GNB1: variants seen among roughly 807,000 people sequenced by gnomAD.
GNB1 encodes G protein subunit beta 1.
Under a neutral mutation model 42.9 loss-of-function variants are expected in GNB1, and 2 were observed. The ratio of observed to expected loss-of-function variants is 0.05; its 90% CI spans 0.02 to 0.15. The LOEUF is 0.15. Among genes scored for constraint, GNB1 ranks in the 10% least tolerant of loss-of-function variants. The pLI is 1.00. For synonymous variants in GNB1, 183 were observed against 174.7 expected (o/e 1.05, Z -0.38); for missense variants, 193 against 462.2 (o/e 0.42, Z 5.34).
intron 1 of GNB1, among the ~76,000 whole-genome samples, chr1:1,883,341 T>C (rs1307450511): frequency 4.0e-5 from 6 of 148,682 alleles, no homozygotes; most frequent in African/African-American, 1.5e-4. Context: ...ATGTGAGAGA[T>C]TTAGTAGAAA....
chr1:1,790,731 G>T lies in GNB1; in HGVS notation c.498-135C>A. On this transcript the variant is annotated intron_variant, in intron 8 of 11. Coordinates refer to ENST00000378609, the MANE Select transcript of GNB1 (RefSeq NM_002074.5). The surrounding 1 kb of genome is among the most constrained non-coding windows in gnomAD (Gnocchi z 5.4). ...CACTGTTACTTTAAAAACGTAAATTGTTTAAAGACAAATTTAAATGTAATA... is the reference window on the plus strand; with the variant it reads ...CACTGTTACTTTAAAAACGTAAATTTTTTAAAGACAAATTTAAATGTAATA... 1.6e-6 allele frequency: 1 copy of T among 628,994 alleles called. No individual in the cohort carries two copies. The highest frequency in any genetic ancestry group is 2.9e-6 in the Non-Finnish European group (1 of 350,790). 39.0% of individuals were successfully genotyped at this position (628,994 alleles called of 1,614,324 possible).
chr1:1,874,694 G>A (rs1250464069), intron 1 of GNB1, among the ~76,000 whole-genome samples: 1 of 150,796 alleles, frequency 6.6e-6, no homozygotes, highest in Non-Finnish European at 1.5e-5. Flanking sequence ...GGGAGACTGA[G>A]ACAGGAGAAT....
In GNB1 at chr1:1,871,469, C is replaced by T. The variant is rs570403164; in HGVS notation, c.-96+19351G>A. 5.9e-5 allele frequency among the ~76,000 whole-genome samples: 9 copies of T among 152,056 alleles called. No homozygotes were observed. In the East Asian group the frequency reaches 1.5e-3, roughly 26 times the overall value. On this transcript the variant is annotated intron_variant, in intron 1 of 11. Transcript: ENST00000378609. ...AGTGAGACTTAAGGGAACCCTTTCCCCACCCCCATTCACCTGACTCCTCAA... is the reference window on the plus strand; with the variant it reads ...AGTGAGACTTAAGGGAACCCTTTCCTCACCCCCATTCACCTGACTCCTCAA...
intron 5 of GNB1, among the ~76,000 whole-genome samples, chr1:1,811,059 G>GTA (rs1358335549): frequency 2.3e-5 from 3 of 129,908 alleles, no homozygotes; most frequent in Admixed American, 9.2e-5. Flanking sequence ...ATGTTTGTGG[G>GTA]TATATATATA....
intron 1 of GNB1, among the ~76,000 whole-genome samples, chr1:1,850,421 C>T (rs953698542): frequency 6.6e-6 from 1 of 152,014 alleles, no homozygotes; most frequent in Non-Finnish European, 1.5e-5. Flanking sequence ...GGGTGAGCCA[C>T]CGCGCCCAGC....
intron 1 of GNB1, among the ~76,000 whole-genome samples, chr1:1,864,171 A>C (rs754078686): frequency 5.9e-5 from 9 of 151,916 alleles, no homozygotes; most frequent in Non-Finnish European, 1.3e-4. Flanking sequence ...ATATACAAAA[A>C]AATTAGCCAG....
At chr1:1,880,125 GTC>G (rs1649761401) in intron 1 of GNB1, among the ~76,000 whole-genome samples, 1 of 151,790 alleles carries the variant, frequency 6.6e-6, no homozygotes, top group African/African-American at 2.4e-5. Context: ...TAGAGATGGG[GTC>G]TCACTATGTT....
intron 2 of GNB1, among the ~76,000 whole-genome samples, chr1:1,832,558 T>G (rs1056335574): frequency 2.6e-5 from 4 of 152,214 alleles, no homozygotes; most frequent in Admixed American, 1.3e-4. Flanking sequence ...AACATCTTTG[T>G]GAGTCAAGTG....
chr1:1,838,398 T>A (rs1180987322), intron 2 of GNB1, among the ~76,000 whole-genome samples: 1 of 151,746 alleles, frequency 6.6e-6, no homozygotes, highest in Non-Finnish European at 1.5e-5. Context: ...AAAAAGGTTT[T>A]TGTTTTGTTT....
intron 1 of GNB1, among the ~76,000 whole-genome samples, chr1:1,855,574 G>A (rs542425391): frequency 3.3e-5 from 5 of 151,424 alleles, no homozygotes; most frequent in African/African-American, 7.3e-5. Flanking sequence ...GGTGGCAGGC[G>A]CCTGTAGTCC....
Position 1,797,269 on chromosome 1 carries a change from C to T in GNB1, c.431-3958G>A, listed in dbSNP as rs544568983. On this transcript the variant is annotated intron_variant, in intron 7 of 11. Transcript: ENST00000378609. Reference sequence around the variant, plus strand: ...GTCTCACAATAGGAACAAATTAGTGCACCACACCATGAAACTCTCTACAGC... The same window carrying T: ...GTCTCACAATAGGAACAAATTAGTGTACCACACCATGAAACTCTCTACAGC... Among the ~76,000 whole-genome samples the T allele has an allele frequency of 9.3e-4, 142 of 152,152 alleles. 1 individual carries two copies. The highest frequency in any genetic ancestry group is 2.0e-3 in the Non-Finnish European group (134 of 68,028).
chr1:1,817,610 G>GT, intron 4 of GNB1: 2 of 425,918 alleles, frequency 4.7e-6, no homozygotes, highest in Non-Finnish European at 8.6e-6. Flanking sequence ...ATTACCCTCT[G>GT]TAACAGGTAG....
intron 1 of GNB1, among the ~76,000 whole-genome samples, chr1:1,856,167 A>G (rs936307520): frequency 2.6e-5 from 4 of 152,128 alleles, no homozygotes; most frequent in African/African-American, 9.7e-5. Flanking sequence ...GACTAAAGGC[A>G]TGTGCCATCA....
chr1:1,818,671 TGGCCAA>T (rs1646889737), intron 3 of GNB1, among the ~76,000 whole-genome samples: 2 of 152,222 alleles, frequency 1.3e-5, no homozygotes, highest in Admixed American at 6.5e-5. Context: ...AAGACCAGCC[TGGCCAA>T]CATGGTGAAA....
At chr1:1,792,370 G>A (rs1570622411) in intron 8 of GNB1, among the ~76,000 whole-genome samples, 1 of 152,174 alleles carries the variant, frequency 6.6e-6, no homozygotes, top group Non-Finnish European at 1.5e-5. Context: ...GGAAAAAAAA[G>A]AAGAGCAGGT....
intron 5 of GNB1, among the ~76,000 whole-genome samples, chr1:1,812,407 T>TACACACAC (rs4012956): frequency 2.1e-5 from 3 of 146,224 alleles, no homozygotes; most frequent in Non-Finnish European, 4.5e-5. Flanking sequence ...CACACATACA[T>TACACACAC]ACACACACAC....
At chr1:1,877,198 G>A (rs1649590648) in intron 1 of GNB1, among the ~76,000 whole-genome samples, 1 of 151,436 alleles carries the variant, frequency 6.6e-6, no homozygotes, top group Non-Finnish European at 1.5e-5. Context: ...TACTCAGGAG[G>A]CTGAGGCAGG....
At chr1:1,789,779 C>A (rs568665634) in intron 9 of GNB1, among the ~76,000 whole-genome samples, 3 of 151,750 alleles carry the variant, frequency 2.0e-5, no homozygotes, top group South Asian at 2.1e-4. Flanking sequence ...GGGAGGCACA[C>A]AAACACTGTG....
At chr1:1,811,983 G>A (rs933661975) in intron 5 of GNB1, among the ~76,000 whole-genome samples, 2 of 151,690 alleles carry the variant, frequency 1.3e-5, no homozygotes, top group African/African-American at 2.4e-5. Flanking sequence ...GGAGAATGGC[G>A]TGAACCTGGG....
Sources: allele counts gnomAD v4.1 joint callset (sites outside exome capture counted in the v4.1 genomes callset), GRCh38; gene constraint gnomAD v4.1.1; non-coding constraint Gnocchi (gnomAD v3.1); transcripts MANE v1.5; gene names NCBI Gene and HGNC (gene_info 2026-07-23, HGNC 2026-07-21).